MBOAT2: variants seen among roughly 807,000 people sequenced by gnomAD.
MBOAT2 encodes the protein membrane bound glycerophospholipid O-acyltransferase 2.
A neutral mutation model predicts 63.4 loss-of-function variants in MBOAT2; 28 were observed. The ratio of observed to expected loss-of-function variants is 0.44; its 90% CI spans 0.33 to 0.61. The LOEUF (loss-of-function observed/expected upper bound fraction) is 0.61, where lower values mean the gene tolerates loss of function less well. MBOAT2 is among the 20% of genes least tolerant of loss of function. The pLI, the probability that MBOAT2 is intolerant of heterozygous loss-of-function variation, is 0.03. For missense variants in MBOAT2, 470 were observed against 605.8 expected (o/e 0.78, Z 2.35); for synonymous variants, 211 against 215.6 (o/e 0.98, Z 0.19).
chr2:8,952,936 T>G (rs1457951731), intron 2 of MBOAT2, among the ~76,000 whole-genome samples: 1 of 152,188 alleles, frequency 6.6e-6, no homozygotes, highest in East Asian at 1.9e-4. Context: ...CTTGCCACTC[T>G]GCCTTTTAAG....
At chr2:8,947,196 A>G in intron 2 of MBOAT2, among the ~76,000 whole-genome samples, 1 of 152,250 alleles carries the variant, frequency 6.6e-6, no homozygotes, top group South Asian at 2.1e-4. Flanking sequence ...CTTAAGCCAA[A>G]GCCTAGTCCA....
chr2:8,865,485 G>A (rs765037423), intron 9 of MBOAT2, among the ~76,000 whole-genome samples: 11 of 152,066 alleles, frequency 7.2e-5, no homozygotes, highest in East Asian at 3.9e-4. Context: ...CATCTTCTCC[G>A]GGACTTCAAT....
intron 1 of MBOAT2, among the ~76,000 whole-genome samples, chr2:9,000,989 G>T (rs901317796): frequency 6.6e-6 from 1 of 151,314 alleles, no homozygotes; most frequent in Non-Finnish European, 1.5e-5. Flanking sequence ...TTTAAAAAAC[G>T]ATTAAAAACT....
chr2:9,003,615 G>A lies in MBOAT2; in HGVS notation c.-1C>T, dbSNP rs1672875514. 3 of 1,186,674 alleles carry A rather than the reference G, an allele frequency of 2.5e-6. No individual in the cohort carries two copies. The highest frequency in any genetic ancestry group is 3.1e-6 in the Non-Finnish European group (3 of 958,704). 73.5% of individuals were successfully genotyped at this position (1,186,674 alleles called of 1,614,324 possible). A position where few individuals can be genotyped will look rare whatever the true frequency, so the allele number is the denominator to read the frequency against. Reference sequence around the variant, plus strand: ...AGCCCGTGGTGCTGGTGGTGGCCATGGCCGGGCCTCGGCGCTCCGGCCGCC... The same window carrying A: ...AGCCCGTGGTGCTGGTGGTGGCCATAGCCGGGCCTCGGCGCTCCGGCCGCC... On this transcript the variant is annotated 5_prime_UTR_variant, in exon 1 of 13. Coordinates refer to ENST00000305997, the MANE Select transcript of MBOAT2 (RefSeq NM_138799.4). The surrounding 1 kb of genome is among the most constrained non-coding windows in gnomAD (Gnocchi z 5.4).
At chr2:8,871,886 A>G (rs562754234) in intron 8 of MBOAT2, among the ~76,000 whole-genome samples, 1 of 152,378 alleles carries the variant, frequency 6.6e-6, no homozygotes, top group Middle Eastern at 3.4e-3. Flanking sequence ...AAACAAGGCA[A>G]GCAGAACACA....
rs779181542 is a variant in MBOAT2, at chr2:8,862,366, G to A, written c.1185+224C>T. On this transcript the variant is annotated intron_variant, in intron 11 of 12. Coordinates refer to ENST00000305997, the MANE Select transcript of MBOAT2 (RefSeq NM_138799.4). The surrounding 1 kb of genome is among the most constrained non-coding windows in gnomAD (Gnocchi z 4.3). ...ATTTTGTGAGTGCCTCCTACCTGCC[G>A]GGCACATAGAAACGTGTTTTCTCCT... 63 of 1,439,054 alleles carry A rather than the reference G, an allele frequency of 4.4e-5. No individual in the cohort carries two copies. The highest frequency in any genetic ancestry group is 3.6e-4 in the Middle Eastern group (2 of 5,578). The allele number at this position is 1,439,054 out of a possible 1,614,324, so 89.1% of individuals were successfully genotyped here.
intron 6 of MBOAT2, 120 bp from the exon 7 acceptor site, chr2:8,877,333 G>T: frequency 1.1e-6 from 1 of 923,752 alleles, no homozygotes; most frequent in Non-Finnish European, 1.6e-6. Context: ...ATTTTCATTT[G>T]TACCCATACA....
chr2:8,878,032 C>T lies in MBOAT2; in HGVS notation c.507-819G>A, dbSNP rs185711653. Among the ~76,000 whole-genome samples, 19 of 152,290 alleles carry T rather than the reference C, an allele frequency of 1.2e-4. No individual in the cohort carries two copies. In the Middle Eastern group the frequency reaches 0.01, roughly 82 times the overall value. On this transcript the variant is annotated intron_variant, in intron 6 of 12. Coordinates refer to ENST00000305997, the MANE Select transcript of MBOAT2 (RefSeq NM_138799.4). ...GGGGTTTAAAAGATCTGTCTCAATG[C>T]GTCACTCCAGCCCATGTGTGGGGCT...
intron 1 of MBOAT2, among the ~76,000 whole-genome samples, chr2:8,993,955 T>C (rs1672091134): frequency 6.6e-6 from 1 of 152,184 alleles, no homozygotes; most frequent in Admixed American, 6.5e-5. Context: ...GTGTGCATTG[T>C]CTCCTCAGTG....
At chr2:8,991,569 A>C (rs1349269341) in intron 1 of MBOAT2, among the ~76,000 whole-genome samples, 1 of 152,222 alleles carries the variant, frequency 6.6e-6, no homozygotes, top group East Asian at 1.9e-4. Flanking sequence ...AGCATTATGT[A>C]GTCCTCAGTG....
rs968388518 is a variant in MBOAT2, at chr2:9,003,239, G to T, written c.75+301C>A. 1.3e-5 allele frequency among the ~76,000 whole-genome samples: 2 copies of T among 152,140 alleles called. No homozygotes were observed. The highest frequency in any genetic ancestry group is 2.9e-5 in the Non-Finnish European group (2 of 68,004). The stretch of plus-strand genomic sequence containing the variant: ...CGAGCGCCGCTGCCGCGAAGGGCAG[G>T]GACCGCATGCACACCCGCACGCCCA... On this transcript the variant is annotated intron_variant, in intron 1 of 12. Transcript: ENST00000305997. This position sits in a 1 kb window ranked among gnomAD's most constrained non-coding sequence, Gnocchi z 5.4.
chr2:8,868,721 C>A (rs1662087064), intron 8 of MBOAT2, among the ~76,000 whole-genome samples, 172 bp from the exon 9 acceptor site: 2 of 152,024 alleles, frequency 1.3e-5, no homozygotes, highest in Admixed American at 1.3e-4. Context: ...ATATCTAGGA[C>A]AATTTGGTTA....
chr2:8,920,612 T>C (rs926837707), intron 3 of MBOAT2, among the ~76,000 whole-genome samples: 2 of 152,090 alleles, frequency 1.3e-5, no homozygotes, highest in Admixed American at 1.3e-4. Flanking sequence ...AATCTATAGA[T>C]GAATTTGTGA....
chr2:8,938,923 G>A (rs908933439), intron 3 of MBOAT2, among the ~76,000 whole-genome samples: 6 of 152,156 alleles, frequency 3.9e-5, no homozygotes, highest in African/African-American at 1.4e-4. Flanking sequence ...TCTGCCCTGA[G>A]CTACTTGCTC....
At chr2:8,967,160 G>A (rs1670052517) in intron 1 of MBOAT2, among the ~76,000 whole-genome samples, 1 of 152,162 alleles carries the variant, frequency 6.6e-6, no homozygotes, top group South Asian at 2.1e-4. Flanking sequence ...TAATTGACAT[G>A]AAAATGACAA....
intron 12 of MBOAT2, 120 bp from the exon 13 acceptor site, chr2:8,859,024 A>T (rs923943888): frequency 1.4e-6 from 1 of 719,804 alleles, no homozygotes; most frequent in African/African-American, 1.8e-5. Context: ...ACATTACTAC[A>T]TTATTCTTTT....
chr2:8,947,442 C>T (rs535036373), intron 2 of MBOAT2, among the ~76,000 whole-genome samples: 1 of 152,264 alleles, frequency 6.6e-6, no homozygotes, highest in East Asian at 1.9e-4. Context: ...AAAAGATTTT[C>T]AGTGTAGATC....
At chr2:8,940,916 T>C (rs1197004131) in intron 3 of MBOAT2, among the ~76,000 whole-genome samples, 5 of 152,174 alleles carry the variant, frequency 3.3e-5, no homozygotes, top group African/African-American at 1.2e-4. Flanking sequence ...AAGAAATATA[T>C]ACCATGTAAA....
chr2:8,993,413 C>T (rs751459911), intron 1 of MBOAT2, among the ~76,000 whole-genome samples: 109 of 152,216 alleles, frequency 7.2e-4, no homozygotes, highest in Non-Finnish European at 1.5e-3. Flanking sequence ...AGACCAGCTG[C>T]AAGAGAAAGC....
Sources: allele counts gnomAD v4.1 joint callset (sites outside exome capture counted in the v4.1 genomes callset), GRCh38; gene constraint gnomAD v4.1.1; non-coding constraint Gnocchi (gnomAD v3.1); transcripts MANE v1.5; gene names NCBI Gene and HGNC (gene_info 2026-07-23, HGNC 2026-07-21).